Variants in RBFOX1 observed in about 807,000 individuals in gnomAD.
RBFOX1 encodes RNA binding fox-1 homolog 1, also known as RNA binding protein fox-1 homolog 1.
Under a neutral mutation model 57.7 loss-of-function variants are expected in RBFOX1, and 8 were observed. The ratio of observed to expected loss-of-function variants is 0.14; its 90% confidence interval spans 0.08 to 0.25. The LOEUF (loss-of-function observed/expected upper bound fraction) is 0.25, where lower values mean the gene tolerates loss of function less well. RBFOX1 is among the 10% of genes least tolerant of loss of function. The pLI is 1.00. For synonymous variants in RBFOX1, 326 were observed against 222.4 expected, an observed-to-expected ratio of 1.47 and a Z score of -4.15; for missense variants, 611 against 548.5, an observed-to-expected ratio of 1.11 and a Z score of -1.14.
chr16:7,153,428 A>G (rs2076467447), intron 4 of RBFOX1, among the ~76,000 whole-genome samples: 1 of 152,012 alleles, frequency 6.6e-6, no homozygotes, highest in African/African-American at 2.4e-5. Flanking sequence ...GAGGGAGGAC[A>G]TGTATTGGAT....
intron 4 of RBFOX1, among the ~76,000 whole-genome samples, chr16:5,970,510 C>T (rs181613397): frequency 7.2e-5 from 11 of 152,246 alleles, no homozygotes; most frequent in Middle Eastern, 3.4e-3. Flanking sequence ...CCAGAATGCA[C>T]GCTAATCACA....
At chr16:6,088,648 C>G (rs1003144668) in intron 1 of RBFOX1, among the ~76,000 whole-genome samples, 1 of 152,104 alleles carries the variant, frequency 6.6e-6, no homozygotes, top group African/African-American at 2.4e-5. Context: ...CTTCTGAGCA[C>G]TCACATTTTA....
intron 4 of RBFOX1, among the ~76,000 whole-genome samples, chr16:7,242,301 AAAAT>A (rs2094107092): frequency 6.6e-6 from 1 of 152,216 alleles, no homozygotes; most frequent in African/African-American, 2.4e-5. Context: ...AACACATGGA[AAAAT>A]AAATAATAGG....
chr16:7,149,275 T>C (rs1309431895), intron 4 of RBFOX1, among the ~76,000 whole-genome samples: 2 of 152,024 alleles, frequency 1.3e-5, no homozygotes, highest in South Asian at 4.2e-4. Flanking sequence ...TATGACTGTT[T>C]GCTTGTTAAG....
chr16:6,627,235 G>GAT (rs1404674227), intron 2 of RBFOX1, among the ~76,000 whole-genome samples: 1 of 152,196 alleles, frequency 6.6e-6, no homozygotes, highest in Non-Finnish European at 1.5e-5. Flanking sequence ...AGGGGAATGA[G>GAT]ATGGGGCTTT....
chr16:7,653,112 CAT>C (rs539626119), intron 11 of RBFOX1, among the ~76,000 whole-genome samples: 39 of 152,312 alleles, frequency 2.6e-4, no homozygotes, highest in Middle Eastern at 6.8e-3. Context: ...TGCATATACA[CAT>C]ATGTGTATTT....
At chr16:7,193,937 C>T (rs28696374) in intron 4 of RBFOX1, among the ~76,000 whole-genome samples, 1 of 151,690 alleles carries the variant, frequency 6.6e-6, no homozygotes, top group Non-Finnish European at 1.5e-5. Flanking sequence ...AATATAGTAG[C>T]ATCTATCTCT....
intron 1 of RBFOX1, among the ~76,000 whole-genome samples, chr16:5,311,048 G>A (rs1309669054): frequency 1.3e-5 from 2 of 152,108 alleles, no homozygotes; most frequent in Non-Finnish European, 2.9e-5. Flanking sequence ...ATGCCTTTAT[G>A]TACCCATAGC....
At chr16:6,116,853 A>G (rs960421337) in intron 1 of RBFOX1, among the ~76,000 whole-genome samples, 1 of 152,050 alleles carries the variant, frequency 6.6e-6, no homozygotes, top group African/African-American at 2.4e-5. Flanking sequence ...AGGGAGAGAG[A>G]GGCTGGTGGC....
intron 3 of RBFOX1, among the ~76,000 whole-genome samples, chr16:6,676,994 G>A (rs957189172): frequency 6.6e-6 from 1 of 151,930 alleles, no homozygotes; most frequent in African/African-American, 2.4e-5. Context: ...AACTTTCTAT[G>A]CACAGATCCA....
rs533271784 is a variant in RBFOX1 at position 5,634,745 on chromosome 16, C to G, written c.318+35784C>G. On this transcript the variant is annotated intron_variant, in intron 3 of 19. Transcript: ENST00000641259. ...GCCCACCAGCGTATTCTCTCCATTT[C>G]TCTTTCATTTCTGGCTGACTTCCTT... 5.9e-5 allele frequency among the ~76,000 whole-genome samples: 9 copies of G among 152,314 alleles called. 1 individual carries two copies. In the South Asian group the frequency reaches 1.9e-3, roughly 32 times the overall value.
At chr16:6,727,086 A>ACACAC (rs1568371108) in intron 3 of RBFOX1, among the ~76,000 whole-genome samples, 16 of 17,450 alleles carry the variant, frequency 9.2e-4, no homozygotes, top group African/African-American at 1.4e-3. Context: ...GAGACACACA[A>ACACAC]AACACACACA....
chr16:6,182,585 C>T (rs528844353), intron 1 of RBFOX1, among the ~76,000 whole-genome samples: 39 of 152,070 alleles, frequency 2.6e-4, no homozygotes, highest in African/African-American at 9.2e-4. Flanking sequence ...ATTTACTTAC[C>T]CCTTCCTCCT....
chr16:6,136,595 A>C lies in RBFOX1; in HGVS notation c.-127+116603A>C, dbSNP rs530643687. 2.7e-4 allele frequency among the ~76,000 whole-genome samples: 41 copies of C among 152,330 alleles called. No individual in the cohort carries two copies. The East Asian group carries it at 6.4e-3, about 24-fold the overall frequency. The stretch of plus-strand genomic sequence containing the variant: ...TCAGAGCTCAAGTCTAAACTAATTT[A>C]ATGTAAATTATACATTTGCAAGTAA... On this transcript the variant is annotated intron_variant, in intron 1 of 15. Transcript: ENST00000550418.
intron 4 of RBFOX1, among the ~76,000 whole-genome samples, chr16:7,087,457 G>C (rs1567208470): frequency 6.6e-6 from 1 of 152,052 alleles, no homozygotes; most frequent in Non-Finnish European, 1.5e-5. Context: ...CGCCTAAAGT[G>C]TCTGGATTTG....
intron 1 of RBFOX1, chr16:5,366,650 A>T: frequency 3.7e-5 from 16 of 431,602 alleles, no homozygotes; most frequent in South Asian, 3.0e-4. Flanking sequence ...ACTGACCAGG[A>T]GGCTATTCCC....
chr16:7,359,933 G>A lies in RBFOX1; in HGVS notation c.28-158214G>A, dbSNP rs1014198452. Among the ~76,000 whole-genome samples the A allele has an allele frequency of 5.3e-5, 8 of 150,856 alleles. No homozygotes were observed. The South Asian group carries it at 1.5e-3, about 28-fold the overall frequency. ...CAGGAGGCGGAGCTTGCAGTGAGCC[G>A]AGATCGCGCCACTGCACTCCAGCCT... On this transcript the variant is annotated intron_variant, in intron 4 of 15. Coordinates refer to ENST00000550418, the MANE Select transcript of RBFOX1 (RefSeq NM_018723.4).
At chr16:6,318,286 G>C (rs576998991) in intron 2 of RBFOX1, among the ~76,000 whole-genome samples, 1 of 152,256 alleles carries the variant, frequency 6.6e-6, no homozygotes, top group African/African-American at 2.4e-5. Context: ...AATTCCCTAC[G>C]TGCCACATCT....
At chr16:6,477,186 C>A (rs2095286957) in intron 2 of RBFOX1, among the ~76,000 whole-genome samples, 1 of 152,212 alleles carries the variant, frequency 6.6e-6, no homozygotes, top group Admixed American at 6.5e-5. Context: ...TTTTGACCTC[C>A]TTCCATGAAT....
Sources: allele counts gnomAD v4.1 joint callset (sites outside exome capture counted in the v4.1 genomes callset), GRCh38; gene constraint gnomAD v4.1.1; transcripts MANE v1.5; gene names NCBI Gene and HGNC (gene_info 2026-07-23, HGNC 2026-07-21).